The following VMP1 variants were observed in gnomAD, a reference collection of about 807,000 sequenced individuals.
VMP1 encodes ectopic P-granules autophagy protein 3 homolog.
Under a neutral mutation model 56.0 loss-of-function variants are expected in VMP1, and 11 were observed. The observed-to-expected ratio is 0.20, with a 90% CI of 0.12 to 0.32. The LOEUF (loss-of-function observed/expected upper bound fraction) is 0.32, where lower values mean the gene tolerates loss of function less well. Ranked by LOEUF, VMP1 falls within the 10% of genes least tolerant of loss-of-function variation. VMP1 has a pLI of 1.00. For missense variants in VMP1, 296 were observed against 490.3 expected (o/e 0.60, Z 3.74); for synonymous variants, 149 against 165.0 (o/e 0.90, Z 0.74).
intron 7 of VMP1, among the ~76,000 whole-genome samples, chr17:59,798,893 A>G (rs542544494): frequency 5.9e-5 from 9 of 152,232 alleles, no homozygotes; most frequent in Non-Finnish European, 8.8e-5. Flanking sequence ...TCTCAAAAGA[A>G]AAAAATAAAA....
At chr17:59,744,601 G>A (rs2035355592) in intron 5 of VMP1, among the ~76,000 whole-genome samples, 2 of 148,526 alleles carry the variant, frequency 1.3e-5, no homozygotes, top group Non-Finnish European at 3.0e-5. Flanking sequence ...ACCTGCCAGG[G>A]CAACATAATG....
chr17:59,812,548 C>T (rs1043857665), intron 9 of VMP1, among the ~76,000 whole-genome samples: 1 of 152,106 alleles, frequency 6.6e-6, no homozygotes, highest in Non-Finnish European at 1.5e-5. Context: ...CTTCTAAGGG[C>T]AGATCTCAAT....
chr17:59,774,537 T>C (rs190514826), intron 7 of VMP1, among the ~76,000 whole-genome samples: 1 of 152,318 alleles, frequency 6.6e-6, no homozygotes, highest in East Asian at 1.9e-4. Context: ...TGCTGAAATG[T>C]TTGCTAGGGA....
At chr17:59,774,103 A>T (rs892232287) in intron 7 of VMP1, among the ~76,000 whole-genome samples, 4 of 152,196 alleles carry the variant, frequency 2.6e-5, no homozygotes, top group Non-Finnish European at 5.9e-5. Context: ...AACTCTTAAT[A>T]CACTAAAACA....
At chr17:59,828,783 A>T (rs1487644356) in intron 10 of VMP1, among the ~76,000 whole-genome samples, 1 of 152,246 alleles carries the variant, frequency 6.6e-6, no homozygotes, top group Non-Finnish European at 1.5e-5. Flanking sequence ...AGTAGAATAC[A>T]TCAGTTACCA....
At chr17:59,713,870 A>G (rs1380816408) in intron 1 of VMP1, among the ~76,000 whole-genome samples, 1 of 151,332 alleles carries the variant, frequency 6.6e-6, no homozygotes, top group African/African-American at 2.4e-5. Flanking sequence ...GTGAGACCCC[A>G]TCTCTACTAA....
At chr17:59,787,899 G>A (rs185008126) in intron 7 of VMP1, among the ~76,000 whole-genome samples, 6 of 151,692 alleles carry the variant, frequency 4.0e-5, no homozygotes, top group African/African-American at 9.7e-5. Context: ...TCTTTTATTC[G>A]GCTTACACTT....
rs575420234 is a variant in VMP1, at chr17:59,839,642, T to C, written c.1078-126T>C. ...GAGATTTCAGAGTAGTTGGGGTTGCTTACTTTTCATTTTTAATTCTTTAGG... is the reference window on the plus strand; with the variant it reads ...GAGATTTCAGAGTAGTTGGGGTTGCCTACTTTTCATTTTTAATTCTTTAGG... On this transcript the variant is annotated intron_variant, in intron 11 of 11. Transcript: ENST00000262291. 10 of 1,248,904 alleles carry C rather than the reference T, an allele frequency of 8.0e-6. No homozygotes were observed. The African/African-American group carries it at 1.4e-4, about 17-fold the overall frequency. 77.4% of individuals were successfully genotyped at this position (1,248,904 alleles called of 1,614,324 possible).
chr17:59,767,078 C>T (rs2036259559), intron 6 of VMP1, among the ~76,000 whole-genome samples: 1 of 152,054 alleles, frequency 6.6e-6, no homozygotes, highest in South Asian at 2.1e-4. Flanking sequence ...ATTCAGGCAT[C>T]CGTAGGAATA....
chr17:59,724,809 C>CA (rs1376124779), intron 1 of VMP1, among the ~76,000 whole-genome samples: 1 of 151,482 alleles, frequency 6.6e-6, no homozygotes, highest in Non-Finnish European at 1.5e-5. Flanking sequence ...ACTAAAAATA[C>CA]AAAAAAATTA....
At chr17:59,824,192 A>T (rs2038553351) in intron 10 of VMP1, among the ~76,000 whole-genome samples, 1 of 151,326 alleles carries the variant, frequency 6.6e-6, no homozygotes, top group Non-Finnish European at 1.5e-5. Flanking sequence ...CAGAGCTTGC[A>T]GTGAGCTGAG....
intron 7 of VMP1, among the ~76,000 whole-genome samples, chr17:59,791,171 T>A (rs2037210864): frequency 7.1e-6 from 1 of 140,850 alleles, no homozygotes; most frequent in Non-Finnish European, 1.6e-5. Context: ...AATTTAAGAC[T>A]GCTCCCAGTT....
At chr17:59,808,452 A>T (rs1430075216) in intron 7 of VMP1, among the ~76,000 whole-genome samples, 1 of 152,242 alleles carries the variant, frequency 6.6e-6, no homozygotes, top group Non-Finnish European at 1.5e-5. Context: ...TATAGAAGAA[A>T]GGAAAAGGTA....
intron 1 of VMP1, among the ~76,000 whole-genome samples, chr17:59,726,746 T>C (rs2034621847): frequency 6.6e-6 from 1 of 152,242 alleles, no homozygotes; most frequent in South Asian, 2.1e-4. Flanking sequence ...GTGAAATAGA[T>C]TTCCATTTTG....
At chr17:59,731,936 A>C (rs1488960202) in intron 2 of VMP1, among the ~76,000 whole-genome samples, 1 of 152,182 alleles carries the variant, frequency 6.6e-6, no homozygotes, top group African/African-American at 2.4e-5. Flanking sequence ...GAGATGAATA[A>C]ACTCATATTT....
In VMP1 at chr17:59,813,518, G is replaced by A. The variant is rs181018980; in HGVS notation, c.912+1732G>A. ...CTTGAACCTGAGAGGTGGAGGTTGC[G>A]GTGAGCCGAGATCGTGCCATTGCAC... On this transcript the variant is annotated intron_variant, in intron 9 of 11. Coordinates refer to ENST00000262291, the MANE Select transcript of VMP1 (RefSeq NM_030938.5). 1.1e-3 allele frequency among the ~76,000 whole-genome samples: 160 copies of A among 151,672 alleles called. 1 individual carries two copies. The highest frequency in any genetic ancestry group is 7.2e-3 in the Admixed American group (110 of 15,236).
At chr17:59,724,043 C>A (rs1277349192) in intron 1 of VMP1, among the ~76,000 whole-genome samples, 1 of 151,836 alleles carries the variant, frequency 6.6e-6, no homozygotes, top group African/African-American at 2.4e-5. Flanking sequence ...GAAACCCAGT[C>A]TCTACTAAAA....
chr17:59,835,838 A>G (rs1421170209), intron 10 of VMP1, among the ~76,000 whole-genome samples: 2 of 148,740 alleles, frequency 1.3e-5, no homozygotes, highest in Admixed American at 6.7e-5. Flanking sequence ...ATATATTTAT[A>G]TACACAAAAA....
chr17:59,840,958 A>G lies in VMP1; in HGVS notation c.*1047A>G, dbSNP rs2039138033. 1 of 172,584 alleles carries G rather than the reference A, an allele frequency of 5.8e-6. No individual in the cohort carries two copies. The highest frequency in any genetic ancestry group is 2.4e-5 in the African/African-American group (1 of 41,914). The allele number at this position is 172,584 out of a possible 1,614,324, so 10.7% of individuals were successfully genotyped here. A position where few individuals can be genotyped will look rare whatever the true frequency, so the allele number is the denominator to read the frequency against. On this transcript the variant is annotated 3_prime_UTR_variant, in exon 12 of 12. Coordinates refer to ENST00000262291, the MANE Select transcript of VMP1 (RefSeq NM_030938.5). ...CTGGTTTCAACAGACACAAATTTAT[A>G]TGTTAACCCAGTTTTCTTGCCGTTC...
Sources: allele counts gnomAD v4.1 joint callset (sites outside exome capture counted in the v4.1 genomes callset), GRCh38; gene constraint gnomAD v4.1.1; transcripts MANE v1.5; gene names NCBI Gene and HGNC (gene_info 2026-07-23, HGNC 2026-07-21).